Variants in WDFY3 observed in about 807,000 individuals in gnomAD.
The protein encoded by WDFY3 is WD repeat and FYVE domain-containing protein 3.
Under a neutral mutation model 409.6 loss-of-function variants are expected in WDFY3, and 66 were observed. The ratio of observed to expected loss-of-function variants is 0.16; its 90% CI spans 0.13 to 0.20. The LOEUF is 0.20. Among genes scored for constraint, WDFY3 ranks in the 10% least tolerant of loss-of-function variants. WDFY3 has a pLI of 1.00. For missense variants in WDFY3, 3,031 were observed against 4,298.1 expected (o/e 0.71, Z 8.24); for synonymous variants, 1,521 against 1,537.1 (o/e 0.99, Z 0.25).
At chr4:84,782,870 A>G in intron 25 of WDFY3, 93 bp downstream of exon 25, 3 of 1,084,490 alleles carry the variant, frequency 2.8e-6, no homozygotes, top group Non-Finnish European at 2.8e-6. Flanking sequence ...CTATTAAAAT[A>G]TGAACTTAAA....
intron 46 of WDFY3, 73 bp from the exon 47 acceptor site, chr4:84,721,645 G>C: frequency 6.5e-7 from 1 of 1,548,040 alleles, no homozygotes; most frequent in East Asian, 2.2e-5. Context: ...GTCTCATGTA[G>C]TTCCTTCTAT....
intron 36 of WDFY3, among the ~76,000 whole-genome samples, chr4:84,745,701 T>C (rs1303120077): frequency 6.6e-6 from 1 of 152,114 alleles, no homozygotes; most frequent in Admixed American, 6.5e-5. Flanking sequence ...TTAAACTAAT[T>C]TGGGAAAAAG....
chr4:84,917,788 G>A (rs1468236472), intron 2 of WDFY3, among the ~76,000 whole-genome samples: 1 of 151,896 alleles, frequency 6.6e-6, no homozygotes, highest in East Asian at 1.9e-4. Context: ...TGAGACAACT[G>A]GGAGAAAATA....
intron 51 of WDFY3, 128 bp downstream of exon 51, chr4:84,713,031 A>AT (rs1044969808): frequency 1.6e-5 from 15 of 919,272 alleles, no homozygotes; most frequent in Admixed American, 1.1e-4. Flanking sequence ...AGTTTTCAGT[A>AT]TTTTTTTAAA....
At chr4:84,765,734 T>C (rs980282540) in intron 32 of WDFY3, 76 bp downstream of exon 32, 13 of 1,259,130 alleles carry the variant, frequency 1.0e-5, no homozygotes, top group Non-Finnish European at 1.4e-5. Flanking sequence ...CCGCAGAGGA[T>C]AAGTTTACAT....
chr4:84,765,803 C>CCCAT lies in WDFY3; in HGVS notation c.5188+3_5188+6dup. ...TTTTCAAGCAGCTGACTAGAAAAGT[C>CCCAT]CCATACCTAATACAGTTCCAATCTT... On this transcript the variant is annotated splice_region_variant and intron_variant, in intron 32 of 67. Transcript: ENST00000295888. 6.2e-7 allele frequency: 1 copy of CCCAT among 1,612,638 alleles called. No homozygotes were observed. Among genetic ancestry groups the CCCAT allele is most frequent in the Non-Finnish European group, 8.5e-7 (1 of 1,179,282 alleles).
At chr4:84,690,018 T>C (rs1022245014) in intron 61 of WDFY3, among the ~76,000 whole-genome samples, 4 of 152,180 alleles carry the variant, frequency 2.6e-5, no homozygotes, top group Admixed American at 1.3e-4. Flanking sequence ...ATGTATGTAA[T>C]AGACAATCAG....
At chr4:84,718,373 T>C (rs761157568) in intron 48 of WDFY3, 49 bp downstream of exon 48, 12 of 1,530,382 alleles carry the variant, frequency 7.8e-6, no homozygotes, top group Non-Finnish European at 1.1e-5. Flanking sequence ...ATACATTTTC[T>C]GTCTTCTAAA....
At chr4:84,723,446 C>CTA (rs1479213950) in intron 46 of WDFY3, among the ~76,000 whole-genome samples, 2 of 152,124 alleles carry the variant, frequency 1.3e-5, no homozygotes, top group African/African-American at 2.4e-5. Flanking sequence ...AATTTTAAAA[C>CTA]TAACTTTTAC....
In WDFY3 at chr4:84,932,781, T is replaced by C. The variant is rs530477092; in HGVS notation, c.-225-418A>G. 4.6e-5 allele frequency among the ~76,000 whole-genome samples: 7 copies of C among 152,346 alleles called. No homozygotes were observed. The South Asian group carries it at 1.4e-3, about 32-fold the overall frequency. On this transcript the variant is annotated intron_variant, in intron 1 of 67. Transcript: ENST00000295888. The stretch of plus-strand genomic sequence containing the variant: ...CATGCTATTTCTCTAGGTGTATTTT[T>C]CATGCATCTCAAGATAAATGCGGTA...
In WDFY3 at chr4:84,798,013, T is replaced by C. The variant is rs762524236; in HGVS notation, c.2918A>G (p.Tyr973Cys). Residue 973 changes from tyrosine to cysteine, a missense_variant, in exon 18 of 68, where the codon TAT becomes TGT. This residue lies in a region of WDFY3 where 1,322 missense variants were observed against 1,697.9 expected (regional missense o/e 0.78). Coordinates refer to ENST00000295888, the MANE Select transcript of WDFY3 (RefSeq NM_014991.6). ...YRVHKPSSLS[Y>C]EPEMRSSMIT... ...AAACTTACTTCTCATTTCTGGTTCA[T>C]AACTCAGTGAACTTGGTTTGTGGAC... The C allele has an allele frequency of 1.2e-6, 2 of 1,611,758 alleles. No individual in the cohort carries two copies. The highest frequency in any genetic ancestry group is 2.2e-5 in the East Asian group (1 of 44,786).
intron 43 of WDFY3, among the ~76,000 whole-genome samples, chr4:84,734,031 A>G (rs1382003300): frequency 6.6e-6 from 1 of 152,238 alleles, no homozygotes; most frequent in African/African-American, 2.4e-5. Context: ...AGGAAGTCAG[A>G]TGAAGAAAAA....
chr4:84,776,238 G>C (rs1464855219), intron 27 of WDFY3, among the ~76,000 whole-genome samples: 2 of 151,940 alleles, frequency 1.3e-5, no homozygotes, highest in African/African-American at 4.8e-5. Flanking sequence ...AGACTGAATT[G>C]TTTTAGATGC....
chr4:84,713,400 CT>C (rs1390121796), intron 50 of WDFY3, among the ~76,000 whole-genome samples, 161 bp from the exon 51 acceptor site: 3 of 152,116 alleles, frequency 2.0e-5, no homozygotes, highest in Non-Finnish European at 4.4e-5. Context: ...TTGGACTTCT[CT>C]AAAGAGGAAA....
intron 4 of WDFY3, among the ~76,000 whole-genome samples, chr4:84,857,482 T>C (rs1274343464): frequency 6.6e-6 from 1 of 152,130 alleles, no homozygotes; most frequent in East Asian, 1.9e-4. Context: ...TTCCTAAGTC[T>C]GACAGAAGGA....
At chr4:84,965,039 TAA>T in intron 1 of WDFY3, among the ~76,000 whole-genome samples, 1 of 152,362 alleles carries the variant, frequency 6.6e-6, no homozygotes, top group African/African-American at 2.4e-5. Flanking sequence ...AGTCTCATGA[TAA>T]AGTTTTATTT....
intron 46 of WDFY3, among the ~76,000 whole-genome samples, chr4:84,724,134 C>T (rs1735271811): frequency 6.6e-6 from 1 of 152,082 alleles, no homozygotes; most frequent in South Asian, 2.1e-4. Context: ...TGAAAAAATA[C>T]ATATGTGTAT....
At position 84,809,982 on chromosome 4, in the gene WDFY3, T is replaced by C. The variant is rs1752217361; in HGVS notation, c.2250A>G (p.Glu750=). ...NTQPFQRLLE[E]DVISIESVSP... ...ACACTGATTCTATTGAGATTACATC[T>C]TCCTCTAAAAGTCTTTGAAATGGCT... Residue 750 remains glutamate (E), a synonymous_variant, in exon 14 of 68, where the codon GAA becomes GAG. Coordinates refer to ENST00000295888, the MANE Select transcript of WDFY3 (RefSeq NM_014991.6). The C allele has an allele frequency of 6.2e-7, 1 of 1,614,046 alleles. No homozygotes were observed. Among genetic ancestry groups the C allele is most frequent in the African/African-American group, 1.3e-5 (1 of 74,910 alleles).
intron 26 of WDFY3, 146 bp downstream of exon 26, chr4:84,779,962 A>G (rs1363510152): frequency 1.2e-6 from 1 of 835,290 alleles, no homozygotes; most frequent in Non-Finnish European, 1.8e-6. Context: ...CATTTGACAT[A>G]TATTAGTTTT....
Sources: gnomAD v4.1 joint callset for allele counts (sites outside exome capture counted in the v4.1 genomes callset) on GRCh38, gnomAD v4.1.1 for gene constraint, gnomAD v4.1.1 regional missense constraint, MANE v1.5 for transcripts, NCBI Gene and HGNC (gene_info 2026-07-23, HGNC 2026-07-21) for gene names.